ADK: variants seen among roughly 807,000 people sequenced by gnomAD.
ADK encodes adenosine kinase.
In ADK, 24 loss-of-function variants were observed where a neutral mutation model predicts 44.7. The observed-to-expected ratio is 0.54, with a 90% CI of 0.39 to 0.76. The LOEUF (loss-of-function observed/expected upper bound fraction) is 0.76, where lower values mean the gene tolerates loss of function less well. ADK is among the 30% of genes least tolerant of loss of function. The probability of loss-of-function intolerance (pLI) is 0.00; values close to 1 mark genes in which losing one functional copy is unlikely to be tolerated. For synonymous variants in ADK, 128 were observed against 142.6 expected (o/e 0.90, Z 0.73); for missense variants, 321 against 425.1 (o/e 0.76, Z 2.15).
chr10:74,550,016 A>G (rs917673134), intron 7 of ADK, among the ~76,000 whole-genome samples: 3 of 151,680 alleles, frequency 2.0e-5, no homozygotes, highest in African/African-American at 4.9e-5. Flanking sequence ...AATGATTTGC[A>G]GTCAGGGAGC....
intron 4 of ADK, among the ~76,000 whole-genome samples, chr10:74,338,238 G>A (rs1841474532): frequency 6.6e-6 from 1 of 152,142 alleles, no homozygotes; most frequent in Non-Finnish European, 1.5e-5. Context: ...AAAACTATAA[G>A]ATACTGCTGC....
intron 3 of ADK, among the ~76,000 whole-genome samples, chr10:74,241,395 T>G (rs573519665): frequency 2.0e-5 from 3 of 152,282 alleles, no homozygotes; most frequent in East Asian, 1.9e-4. Flanking sequence ...AACTATTTTT[T>G]GGGGAGGGGA....
At chr10:74,587,587 C>T (rs1287205068) in intron 7 of ADK, among the ~76,000 whole-genome samples, 1 of 152,160 alleles carries the variant, frequency 6.6e-6, no homozygotes, top group African/African-American at 2.4e-5. Context: ...TACTTTCTGC[C>T]TTACATGGCT....
rs563717649 is a variant in ADK at position 74,593,660 on chromosome 10, A to G, written c.762+4343A>G. 8.5e-5 allele frequency among the ~76,000 whole-genome samples: 13 copies of G among 152,260 alleles called. No individual in the cohort carries two copies. The South Asian group carries it at 2.7e-3, about 32-fold the overall frequency. On this transcript the variant is annotated intron_variant, in intron 8 of 10. Coordinates refer to ENST00000539909, the MANE Select transcript of ADK (RefSeq NM_006721.4). ...AATCTGGCACTGACACATCATATAA[A>G]CAGCATAACTATTAAAGGAGTTTCT...
chr10:74,565,298 G>A (rs1169859083), intron 7 of ADK, among the ~76,000 whole-genome samples: 2 of 152,116 alleles, frequency 1.3e-5, no homozygotes, highest in Admixed American at 1.3e-4. Flanking sequence ...TGCTTTTTTA[G>A]TTCATGAAAC....
intron 4 of ADK, among the ~76,000 whole-genome samples, chr10:74,380,589 T>G (rs1842950578): frequency 6.6e-6 from 1 of 151,966 alleles, no homozygotes; most frequent in Middle Eastern, 3.2e-3. Context: ...AAACCCCATC[T>G]CTACTAAAAA....
At chr10:74,321,157 G>T (rs1179269493) in intron 4 of ADK, among the ~76,000 whole-genome samples, 3 of 152,054 alleles carry the variant, frequency 2.0e-5, no homozygotes, top group Non-Finnish European at 4.4e-5. Flanking sequence ...CCATCTTGGG[G>T]TATATTCTAG....
At chr10:74,455,476 C>G (rs563198444) in intron 6 of ADK, among the ~76,000 whole-genome samples, 3 of 151,956 alleles carry the variant, frequency 2.0e-5, no homozygotes, top group Non-Finnish European at 2.9e-5. Flanking sequence ...ACTTATGAAG[C>G]TTAGTTTGGC....
intron 4 of ADK, among the ~76,000 whole-genome samples, chr10:74,352,630 A>G (rs946821581): frequency 1.3e-5 from 2 of 152,226 alleles, no homozygotes; most frequent in Non-Finnish European, 2.9e-5. Context: ...CATCAGAGTG[A>G]ACAGGCAGCA....
chr10:74,315,018 A>G (rs865906740), intron 4 of ADK, among the ~76,000 whole-genome samples: 12 of 151,976 alleles, frequency 7.9e-5, no homozygotes, highest in Non-Finnish European at 1.3e-4. Context: ...TTCATGTTAC[A>G]GATTTGTAGA....
chr10:74,301,694 G>T (rs1010337762), intron 3 of ADK, among the ~76,000 whole-genome samples: 2 of 151,622 alleles, frequency 1.3e-5, no homozygotes, highest in Non-Finnish European at 2.9e-5. Context: ...AATGTCCTTG[G>T]TTTTTTTCTC....
chr10:74,587,010 G>A (rs1851552622), intron 7 of ADK, among the ~76,000 whole-genome samples: 1 of 152,010 alleles, frequency 6.6e-6, no homozygotes, highest in South Asian at 2.1e-4. Flanking sequence ...TGAATTTTGA[G>A]CATTTATGGC....
intron 1 of ADK, among the ~76,000 whole-genome samples, chr10:74,154,743 C>T (rs1476793803): frequency 6.6e-6 from 1 of 152,166 alleles, no homozygotes; most frequent in Non-Finnish European, 1.5e-5. Context: ...AAGTTTGAGA[C>T]CTAGATATTT....
chr10:74,387,598 T>C (rs566525260), intron 4 of ADK, among the ~76,000 whole-genome samples: 4 of 152,320 alleles, frequency 2.6e-5, no homozygotes, highest in African/African-American at 4.8e-5. Context: ...CAAAGACCAA[T>C]TGATACTGCT....
intron 7 of ADK, among the ~76,000 whole-genome samples, chr10:74,554,784 A>AAG (rs993656970): frequency 1.5e-5 from 2 of 130,692 alleles, no homozygotes; most frequent in African/African-American, 6.1e-5. Flanking sequence ...GTCTCTATTT[A>AAG]AAAAAAAAAA....
rs79926871 is a variant in ADK, at chr10:74,601,005, G to C, written c.877+512G>C. Among the ~76,000 whole-genome samples, 428 of 151,742 alleles carry C rather than the reference G, an allele frequency of 2.8e-3. 5 individuals are homozygous for C. The highest frequency in any genetic ancestry group is 0.017 in the East Asian group (87 of 5,168). On this transcript the variant is annotated intron_variant, in intron 9 of 10. Coordinates refer to ENST00000539909, the MANE Select transcript of ADK (RefSeq NM_006721.4). ...AAATGATTAATAGTGTTAATATGGA[G>C]CTACCCACTATTAAAAATATAAATG...
chr10:74,216,724 C>A (rs377680047), intron 2 of ADK, among the ~76,000 whole-genome samples: 949 of 134,668 alleles, frequency 7.0e-3, no homozygotes, highest in Non-Finnish European at 7.6e-3. Flanking sequence ...AACTCTGTCT[C>A]AAAAAAAAAA....
chr10:74,348,794 A>C (rs1371703688), intron 4 of ADK, among the ~76,000 whole-genome samples: 1 of 151,722 alleles, frequency 6.6e-6, no homozygotes, highest in Non-Finnish European at 1.5e-5. Context: ...AAATCGATCA[A>C]GCAGAAGAAA....
At chr10:74,310,898 C>T (rs1481948220) in intron 3 of ADK, among the ~76,000 whole-genome samples, 5 of 151,928 alleles carry the variant, frequency 3.3e-5, no homozygotes, top group Non-Finnish European at 7.4e-5. Context: ...CTTTCCCTGC[C>T]TTTTTCATTC....
Sources: allele counts gnomAD v4.1 joint callset (sites outside exome capture counted in the v4.1 genomes callset), GRCh38; gene constraint gnomAD v4.1.1; transcripts MANE v1.5; gene names NCBI Gene and HGNC (gene_info 2026-07-23, HGNC 2026-07-21).